The following PHACTR1 variants were observed in gnomAD, a reference collection of about 807,000 sequenced individuals.
PHACTR1 encodes the protein phosphatase and actin regulator 1, also known as RPEL repeat containing 1.
A neutral mutation model predicts 69.2 loss-of-function variants in PHACTR1; 16 were observed. That is an observed-to-expected ratio of 0.23 (90% CI 0.16 to 0.35). The LOEUF (loss-of-function observed/expected upper bound fraction) is 0.35, where lower values mean the gene tolerates loss of function less well. PHACTR1 is among the 10% of genes least tolerant of loss of function. The pLI is 1.00. For synonymous variants in PHACTR1, 312 were observed against 284.5 expected (o/e 1.10, Z -0.97); for missense variants, 510 against 734.7 (o/e 0.69, Z 3.54).
intron 7 of PHACTR1, among the ~76,000 whole-genome samples, chr6:13,187,355 A>C (rs1433890774): frequency 2.0e-5 from 3 of 152,202 alleles, no homozygotes; most frequent in Non-Finnish European, 4.4e-5. Flanking sequence ...CTGACTTTTC[A>C]AGCATGAAGG....
intron 4 of PHACTR1, among the ~76,000 whole-genome samples, chr6:12,834,482 T>C (rs1571996): frequency 0.12 from 17,667 of 152,076 alleles, 1,178 homozygotes; most frequent in East Asian, 0.18. Context: ...GAAGTTAAAA[T>C]AGAGAAGGAA....
At chr6:12,767,828 A>G (rs1422057953) in intron 4 of PHACTR1, among the ~76,000 whole-genome samples, 1 of 152,222 alleles carries the variant, frequency 6.6e-6, no homozygotes, top group Non-Finnish European at 1.5e-5. Context: ...GAAAAATGAC[A>G]AGCCAAACTT....
At chr6:13,255,031 C>G (rs1183586823) in intron 10 of PHACTR1, among the ~76,000 whole-genome samples, 1 of 152,138 alleles carries the variant, frequency 6.6e-6, no homozygotes, top group Non-Finnish European at 1.5e-5. Flanking sequence ...GGGTAATTTA[C>G]AAAGAAAAGA....
chr6:13,053,624 A>C, intron 5 of PHACTR1, 95 bp downstream of exon 5: 1 of 1,392,312 alleles, frequency 7.2e-7, no homozygotes, highest in Non-Finnish European at 9.6e-7. Context: ...TGTTTGAACC[A>C]AAGGAGAAAA....
At chr6:13,129,651 A>C (rs752648433) in intron 5 of PHACTR1, among the ~76,000 whole-genome samples, 17 of 152,190 alleles carry the variant, frequency 1.1e-4, no homozygotes, top group Non-Finnish European at 2.5e-4. Context: ...TCCCAAATTT[A>C]TAAAATAATT....
intron 4 of PHACTR1, among the ~76,000 whole-genome samples, chr6:12,813,069 A>G (rs1351235893): frequency 6.6e-6 from 1 of 152,236 alleles, no homozygotes; most frequent in East Asian, 1.9e-4. Context: ...GATAGTAAAA[A>G]CAATTAAAAA....
At chr6:12,903,176 G>C (rs1217879701) in intron 4 of PHACTR1, among the ~76,000 whole-genome samples, 1 of 152,124 alleles carries the variant, frequency 6.6e-6, no homozygotes, top group African/African-American at 2.4e-5. Flanking sequence ...GTGTTCCTCA[G>C]TTTCCTTATT....
At chr6:12,741,577 T>C (rs549960568) in intron 3 of PHACTR1, among the ~76,000 whole-genome samples, 5 of 152,290 alleles carry the variant, frequency 3.3e-5, no homozygotes, top group Admixed American at 2.0e-4. Context: ...TGACTGTTCA[T>C]ATCTGTTTGT....
At position 12,955,192 on chromosome 6, in the gene PHACTR1, C is replaced by CTTTTTTTTTTTTTTTTTTTTTTTTTTTTT. The variant is rs1161324144; in HGVS notation, c.251-98153_251-98152insTTTTTTTTTTTTTTTTTTTTTTTTTTTTT. ...ATCTATGGCTCACATTGTATTTCCT[C>CTTTTTTTTTTTTTTTTTTTTTTTTTTTTT]TTTTTTTTTTTTTTTTTTTTGAGAG... On this transcript the variant is annotated intron_variant, in intron 4 of 14. Transcript: ENST00000332995. Among the ~76,000 whole-genome samples the CTTTTTTTTTTTTTTTTTTTTTTTTTTTTT allele has an allele frequency of 1.9e-4, 20 of 103,288 alleles. 5 individuals are homozygous for CTTTTTTTTTTTTTTTTTTTTTTTTTTTTT. The highest frequency in any genetic ancestry group is 9.7e-4 in the African/African-American group (19 of 19,524). 67.8% of individuals were successfully genotyped at this position (103,288 alleles called of 152,430 possible). A position where few individuals can be genotyped will look rare whatever the true frequency, so the allele number is the denominator to read the frequency against.
At chr6:13,087,380 T>C (rs978335168) in intron 5 of PHACTR1, among the ~76,000 whole-genome samples, 2 of 151,560 alleles carry the variant, frequency 1.3e-5, no homozygotes, top group African/African-American at 4.8e-5. Flanking sequence ...ATAACCATGA[T>C]ACCAAAGCAC....
At chr6:13,073,225 C>CAAAAA (rs58555118) in intron 5 of PHACTR1, among the ~76,000 whole-genome samples, 2,871 of 119,668 alleles carry the variant, frequency 0.024, 56 homozygotes, top group Non-Finnish European at 0.036. Context: ...ACAGGATTAA[C>CAAAAA]AAAAAAAAAA....
At chr6:12,743,743 T>G (rs1185747082) in intron 3 of PHACTR1, among the ~76,000 whole-genome samples, 2 of 152,188 alleles carry the variant, frequency 1.3e-5, no homozygotes, top group Non-Finnish European at 2.9e-5. Flanking sequence ...ATTAGACAGA[T>G]CAACGAGACA....
intron 4 of PHACTR1, among the ~76,000 whole-genome samples, chr6:13,029,069 C>T (rs548222190): frequency 3.3e-5 from 5 of 152,132 alleles, no homozygotes; most frequent in Non-Finnish European, 5.9e-5. Context: ...CTAATCTTCC[C>T]GGGATAGATA....
chr6:13,198,036 C>T (rs566879046), intron 7 of PHACTR1, among the ~76,000 whole-genome samples: 3 of 152,298 alleles, frequency 2.0e-5, no homozygotes, highest in South Asian at 4.1e-4. Flanking sequence ...CACTTTGACT[C>T]GCAGACCTTT....
At chr6:13,186,053 G>A (rs1377600294) in intron 7 of PHACTR1, among the ~76,000 whole-genome samples, 5 of 152,176 alleles carry the variant, frequency 3.3e-5, no homozygotes, top group Non-Finnish European at 7.3e-5. Flanking sequence ...TTAGACATGG[G>A]CTCATGTCAA....
chr6:13,282,352 C>T (rs1780469892), intron 12 of PHACTR1, among the ~76,000 whole-genome samples: 1 of 152,126 alleles, frequency 6.6e-6, no homozygotes, highest in African/African-American at 2.4e-5. Context: ...GAAATGTCAG[C>T]CTTATGTTGC....
intron 5 of PHACTR1, among the ~76,000 whole-genome samples, chr6:13,064,620 A>ATC (rs1297816314): frequency 1.5e-5 from 1 of 67,590 alleles, no homozygotes; most frequent in Non-Finnish European, 2.7e-5. Context: ...ATATCTATCT[A>ATC]TCCACACTTG....
chr6:13,013,045 T>TTTTTG (rs952751544), intron 4 of PHACTR1, among the ~76,000 whole-genome samples: 6 of 152,170 alleles, frequency 3.9e-5, no homozygotes, highest in Admixed American at 2.0e-4. Context: ...TAAAAACAAT[T>TTTTTG]TTTTGTTTTG....
intron 4 of PHACTR1, among the ~76,000 whole-genome samples, chr6:12,896,052 G>C (rs575163697): frequency 6.6e-6 from 1 of 152,220 alleles, no homozygotes; most frequent in Non-Finnish European, 1.5e-5. Flanking sequence ...AGTTCTGCAT[G>C]CTAATGCTGA....
Sources: gnomAD v4.1 joint callset for allele counts (sites outside exome capture counted in the v4.1 genomes callset) on GRCh38, gnomAD v4.1.1 for gene constraint, MANE v1.5 for transcripts, NCBI Gene and HGNC (gene_info 2026-07-23, HGNC 2026-07-21) for gene names.